VAV2: variants seen among roughly 807,000 people sequenced by gnomAD.
The protein encoded by VAV2 is vav guanine nucleotide exchange factor 2.
Under a neutral mutation model 132.5 loss-of-function variants are expected in VAV2, and 67 were observed. That is an observed-to-expected ratio of 0.51 (90% CI 0.42 to 0.62). VAV2 has a LOEUF of 0.62. Among genes scored for constraint, VAV2 ranks in the 20% least tolerant of loss-of-function variants. The probability of loss-of-function intolerance (pLI) is 0.00; values close to 1 mark genes in which losing one functional copy is unlikely to be tolerated. For synonymous variants in VAV2, 492 were observed against 443.5 expected, an observed-to-expected ratio of 1.11 and a Z score of -1.37; for missense variants, 938 against 1,153.6, an observed-to-expected ratio of 0.81 and a Z score of 2.71.
intron 3 of VAV2, among the ~76,000 whole-genome samples, chr9:133,852,567 C>G (rs1564406241): frequency 6.6e-6 from 1 of 152,140 alleles, no homozygotes; most frequent in Non-Finnish European, 1.5e-5. Context: ...GAGAGAAACT[C>G]AGCTGCATTT....
intron 12 of VAV2, among the ~76,000 whole-genome samples, chr9:133,795,328 C>T (rs1834664602): frequency 6.6e-6 from 1 of 151,952 alleles, no homozygotes; most frequent in Non-Finnish European, 1.5e-5. Context: ...GCAGAAGCCT[C>T]AGTGCTGGGA....
At chr9:133,843,766 C>T (rs373069023) in intron 3 of VAV2, among the ~76,000 whole-genome samples, 32 of 152,250 alleles carry the variant, frequency 2.1e-4, no homozygotes, top group African/African-American at 7.2e-4. Flanking sequence ...AGGAGTCTCA[C>T]GGGGGTGGAG....
At chr9:133,894,607 C>T (rs1308029279) in intron 2 of VAV2, among the ~76,000 whole-genome samples, 1 of 152,192 alleles carries the variant, frequency 6.6e-6, no homozygotes, top group Non-Finnish European at 1.5e-5. Context: ...GGTTCACAGG[C>T]TCCCAGGAGG....
chr9:133,949,003 C>G (rs112450968), intron 1 of VAV2, among the ~76,000 whole-genome samples: 1,599 of 152,240 alleles, frequency 0.011, 28 homozygotes, highest in African/African-American at 0.037. Flanking sequence ...GGCTGGCTTG[C>G]GTGAAGGCAG....
At chr9:133,889,751 C>CAT (rs902708480) in intron 2 of VAV2, among the ~76,000 whole-genome samples, 10 of 151,780 alleles carry the variant, frequency 6.6e-5, no homozygotes, top group African/African-American at 2.4e-4. Flanking sequence ...ATTTCATTTA[C>CAT]ACACACACAC....
At chr9:133,781,138 C>A (rs1833994422) in intron 19 of VAV2, among the ~76,000 whole-genome samples, 1 of 152,088 alleles carries the variant, frequency 6.6e-6, no homozygotes, top group Non-Finnish European at 1.5e-5. Flanking sequence ...TGCTACCTGC[C>A]ACAACCGCTT....
chr9:133,966,401 T>C (rs1842141026), intron 1 of VAV2, among the ~76,000 whole-genome samples: 1 of 152,232 alleles, frequency 6.6e-6, no homozygotes, highest in Non-Finnish European at 1.5e-5. Flanking sequence ...GGATTTTTAA[T>C]AACCAGAATA....
chr9:133,830,294 C>T (rs1047400928), intron 4 of VAV2, among the ~76,000 whole-genome samples: 2 of 152,188 alleles, frequency 1.3e-5, no homozygotes, highest in Admixed American at 6.5e-5. Context: ...CTCCTCACTC[C>T]TGTGCCTGGT....
intron 1 of VAV2, among the ~76,000 whole-genome samples, chr9:133,955,786 C>T (rs1439647049): frequency 5.5e-5 from 1 of 18,280 alleles, no homozygotes; most frequent in Non-Finnish European, 1.1e-4. Flanking sequence ...CCCACCCCCC[C>T]ACTTGCACTC....
intron 18 of VAV2, 43 bp from the exon 19 acceptor site, chr9:133,783,634 G>C (rs188227742): frequency 3.2e-6 from 5 of 1,584,982 alleles, no homozygotes; most frequent in Non-Finnish European, 4.3e-6. Flanking sequence ...GCTGGGGTCG[G>C]CTCCTCATGC....
intron 1 of VAV2, among the ~76,000 whole-genome samples, chr9:133,940,407 G>A (rs1175267007): frequency 1.3e-5 from 2 of 152,174 alleles, no homozygotes; most frequent in Non-Finnish European, 2.9e-5. Context: ...TGGAAATTTA[G>A]ACAAATGGAC....
chr9:133,933,886 A>ATGGATGGATGGG (rs773091860), intron 2 of VAV2, among the ~76,000 whole-genome samples: 33 of 116,384 alleles, frequency 2.8e-4, no homozygotes, highest in Non-Finnish European at 4.4e-4. Flanking sequence ...TGGATGAATG[A>ATGGATGGATGGG]TGGATGGATG....
At chr9:133,975,368 CT>C (rs1421195676) in intron 1 of VAV2, among the ~76,000 whole-genome samples, 1 of 152,236 alleles carries the variant, frequency 6.6e-6, no homozygotes, top group Non-Finnish European at 1.5e-5. Context: ...GCCTCCCACA[CT>C]TGGCTTACCT....
In VAV2 at chr9:133,794,628, G is replaced by T. The variant is rs547668266; in HGVS notation, c.1101+1040C>A. 6.6e-6 allele frequency among the ~76,000 whole-genome samples: 1 copy of T among 152,306 alleles called. No individual in the cohort carries two copies. The highest frequency in any genetic ancestry group is 2.1e-4 in the South Asian group (1 of 4,826). ...CAGGGGGGCTGCCCAGAGGGCAGGG[G>T]CCAGGTGTCAGAGGGCAGGACTGCA... On this transcript the variant is annotated intron_variant, in intron 12 of 29. Coordinates refer to ENST00000371850, the MANE Select transcript of VAV2 (RefSeq NM_001134398.2). The surrounding 1 kb of genome is among the most constrained non-coding windows in gnomAD (Gnocchi z 4.6).
rs988819396 is a variant in VAV2 at position 133,885,703 on chromosome 9, C to T, written c.322-24271G>A. On this transcript the variant is annotated intron_variant, in intron 2 of 29. Transcript: ENST00000371850. The surrounding 1 kb of genome is among the most constrained non-coding windows in gnomAD (Gnocchi z 5.0). ...TGACTGGACTCTGCATCTGGCCTCA[C>T]CAGGTGATGCTCAGCTGCCCCAAGA... Among the ~76,000 whole-genome samples the T allele has an allele frequency of 6.6e-6, 1 of 152,200 alleles. No individual in the cohort carries two copies. The highest frequency in any genetic ancestry group is 1.5e-5 in the Non-Finnish European group (1 of 68,038).
At chr9:133,850,793 G>A (rs1214015389) in intron 3 of VAV2, among the ~76,000 whole-genome samples, 1 of 152,190 alleles carries the variant, frequency 6.6e-6, no homozygotes, top group East Asian at 1.9e-4. Context: ...AGCCCAGGAG[G>A]AAGCTCACAC....
intron 1 of VAV2, among the ~76,000 whole-genome samples, chr9:133,955,779 A>AC (rs1490446682): frequency 0.025 from 79 of 3,104 alleles, 10 homozygotes; most frequent in African/African-American, 0.13. Flanking sequence ...GTTCCTCCCC[A>AC]CCCCCCCACT....
At chr9:133,859,767 T>C (rs1031300217) in intron 3 of VAV2, among the ~76,000 whole-genome samples, 1 of 152,212 alleles carries the variant, frequency 6.6e-6, no homozygotes, top group African/African-American at 2.4e-5. Context: ...CACATAGTCT[T>C]TGTATCCAGA....
At chr9:133,886,002 G>C (rs1342505579) in intron 2 of VAV2, among the ~76,000 whole-genome samples, 23 of 152,214 alleles carry the variant, frequency 1.5e-4, no homozygotes, top group Non-Finnish European at 3.4e-4. Context: ...AGAAGCGTGT[G>C]CAGGAGACTG....
Sources: allele counts gnomAD v4.1 joint callset (sites outside exome capture counted in the v4.1 genomes callset), GRCh38; gene constraint gnomAD v4.1.1; non-coding constraint Gnocchi (gnomAD v3.1); transcripts MANE v1.5; gene names NCBI Gene and HGNC (gene_info 2026-07-23, HGNC 2026-07-21).